TBC1D9: variants seen among roughly 807,000 people sequenced by gnomAD.
The protein encoded by TBC1D9 is TBC1 domain family member 9.
Under a neutral mutation model 132.0 loss-of-function variants are expected in TBC1D9, and 63 were observed. The observed-to-expected ratio is 0.48, with a 90% CI of 0.39 to 0.59. TBC1D9 has a LOEUF of 0.59. Among genes scored for constraint, TBC1D9 ranks in the 20% least tolerant of loss-of-function variants. The pLI, the probability that TBC1D9 is intolerant of heterozygous loss-of-function variation, is 0.00. For missense variants in TBC1D9, 1,261 were observed against 1,592.7 expected, an observed-to-expected ratio of 0.79 and a Z score of 3.54; for synonymous variants, 610 against 609.9, an observed-to-expected ratio of 1.00 and a Z score of 0.00.
intron 2 of TBC1D9, among the ~76,000 whole-genome samples, chr4:140,686,907 A>G (rs1288209188): frequency 6.6e-6 from 1 of 152,080 alleles, no homozygotes; most frequent in East Asian, 1.9e-4. Flanking sequence ...AACTGATGTA[A>G]CCACCTCCTA....
In TBC1D9 at chr4:140,657,495, G is replaced by A. The variant is rs746992169; in HGVS notation, c.2207+32C>T. On this transcript the variant is annotated intron_variant, in intron 12 of 20. Transcript: ENST00000442267. Reference sequence around the variant, plus strand: ...AGAAAGCATGAGGAAGAAAACCGGAGATGGTTTTCAAAGTTAGGCTTAGTA... The same window carrying A: ...AGAAAGCATGAGGAAGAAAACCGGAAATGGTTTTCAAAGTTAGGCTTAGTA... The A allele has an allele frequency of 7.6e-5, 120 of 1,576,902 alleles. No individual in the cohort carries two copies. In the Middle Eastern group the frequency reaches 1.0e-3, roughly 13 times the overall value.
intron 1 of TBC1D9, among the ~76,000 whole-genome samples, chr4:140,738,881 CT>C (rs1021001602): frequency 3.9e-5 from 6 of 152,194 alleles, no homozygotes; most frequent in South Asian, 4.1e-4. Context: ...ACACTTCCCC[CT>C]GGCATACAGT....
At chr4:140,655,368 AT>A (rs34702949) in intron 13 of TBC1D9, among the ~76,000 whole-genome samples, 11,472 of 152,046 alleles carry the variant, frequency 0.075, 1,450 homozygotes, top group African/African-American at 0.26. Context: ...ATCCATAGCA[AT>A]TTTTTTTAAA....
chr4:140,702,569 A>G (rs1041717150), intron 1 of TBC1D9, among the ~76,000 whole-genome samples: 4 of 152,298 alleles, frequency 2.6e-5, no homozygotes, highest in African/African-American at 7.2e-5. Flanking sequence ...TCTTTTTCCA[A>G]TGTTCCCAGA....
chr4:140,639,235 A>G, intron 14 of TBC1D9, 81 bp from the exon 15 acceptor site: 1 of 1,481,956 alleles, frequency 6.7e-7, no homozygotes, highest in South Asian at 1.2e-5. Flanking sequence ...TCCCTTTCAA[A>G]TTGTTTTCAG....
chr4:140,743,074 C>T (rs1203807093), intron 1 of TBC1D9, among the ~76,000 whole-genome samples: 1 of 151,972 alleles, frequency 6.6e-6, no homozygotes, highest in Non-Finnish European at 1.5e-5. Flanking sequence ...GAAGGAGTTA[C>T]GTAGAAACAA....
intron 1 of TBC1D9, among the ~76,000 whole-genome samples, chr4:140,737,267 G>A (rs972566605): frequency 2.6e-5 from 4 of 152,042 alleles, no homozygotes; most frequent in African/African-American, 2.4e-5. Flanking sequence ...CTAGTGAGGG[G>A]CCCCTGAGCG....
At chr4:140,659,485 C>G in intron 11 of TBC1D9, 103 bp downstream of exon 11, 3 of 737,146 alleles carry the variant, frequency 4.1e-6, no homozygotes, top group South Asian at 2.3e-5. Context: ...GTCTGAAACT[C>G]TTTTGGCTTA....
At chr4:140,717,199 C>A (rs1314734916) in intron 1 of TBC1D9, among the ~76,000 whole-genome samples, 1 of 152,148 alleles carries the variant, frequency 6.6e-6, no homozygotes, top group Non-Finnish European at 1.5e-5. Context: ...TTTAGAGAAT[C>A]AACATATGTT....
intron 16 of TBC1D9, among the ~76,000 whole-genome samples, chr4:140,632,631 T>C (rs1231794070): frequency 6.6e-6 from 1 of 152,170 alleles, no homozygotes; most frequent in Non-Finnish European, 1.5e-5. Flanking sequence ...TTACTTTAAC[T>C]TTTCTGAGCT....
At position 140,662,001 on chromosome 4, in the gene TBC1D9, G is replaced by A. The variant is rs747269530; in HGVS notation, c.1695C>T (p.His565=). ...AAGCTGGGTGTTCTGGAAGGGAGCG[G>A]TGTAAATCCCTCTCAATCTCCTCCG... is the stretch of plus-strand genomic sequence containing the variant. ...LATEEIERDL[H]RSLPEHPAFQ... The change falls in exon 10 of 21, where the codon CAC becomes CAT. Residue 565 remains histidine (H), a synonymous_variant. Coordinates refer to ENST00000442267, the MANE Select transcript of TBC1D9 (RefSeq NM_015130.3). The A allele has an allele frequency of 6.2e-7, 1 of 1,613,854 alleles. No individual in the cohort carries two copies. Among genetic ancestry groups the A allele is most frequent in the East Asian group, 2.2e-5 (1 of 44,876 alleles).
intron 1 of TBC1D9, among the ~76,000 whole-genome samples, chr4:140,748,859 GAAGA>G (rs781336921): frequency 1.3e-5 from 2 of 152,104 alleles, no homozygotes; most frequent in Non-Finnish European, 2.9e-5. Context: ...AGAGAGGGAA[GAAGA>G]AAGTAAAACA....
At chr4:140,628,728 T>C (rs1736746509) in intron 16 of TBC1D9, among the ~76,000 whole-genome samples, 1 of 152,208 alleles carries the variant, frequency 6.6e-6, no homozygotes, top group African/African-American at 2.4e-5. Context: ...CCTAATAAAA[T>C]AGCTTTATTA....
At chr4:140,721,308 C>T (rs1417846205) in intron 1 of TBC1D9, among the ~76,000 whole-genome samples, 1 of 152,178 alleles carries the variant, frequency 6.6e-6, no homozygotes, top group Non-Finnish European at 1.5e-5. Flanking sequence ...CAGTGGTGAC[C>T]TTACGCCAGG....
At chr4:140,697,840 C>T (rs1737994020) in intron 2 of TBC1D9, among the ~76,000 whole-genome samples, 1 of 152,232 alleles carries the variant, frequency 6.6e-6, no homozygotes, top group South Asian at 2.1e-4. Context: ...TCACAGGAGA[C>T]ACAAACCAGT....
intron 1 of TBC1D9, among the ~76,000 whole-genome samples, chr4:140,715,257 C>G (rs13103762): frequency 0.29 from 44,800 of 152,080 alleles, 7,766 homozygotes; most frequent in South Asian, 0.42. Context: ...GTCTGACCCC[C>G]CTTTCTCATC....
chr4:140,678,927 G>T lies in TBC1D9; in HGVS notation c.851+15C>A. 1 of 1,611,284 alleles carries T rather than the reference G, an allele frequency of 6.2e-7. No individual in the cohort carries two copies. Among genetic ancestry groups the T allele is most frequent in the Non-Finnish European group, 8.5e-7 (1 of 1,178,224 alleles). ...ATTTCTAAAGTCTGGAAGATACAAG[G>T]TCTCTATCACCCACCGTTTTAGAGC... On this transcript the variant is annotated intron_variant, in intron 5 of 20. Transcript: ENST00000442267.
At chr4:140,660,765 T>C (rs897712679) in intron 10 of TBC1D9, among the ~76,000 whole-genome samples, 3 of 152,148 alleles carry the variant, frequency 2.0e-5, no homozygotes, top group South Asian at 2.1e-4. Flanking sequence ...GTTATTTAAA[T>C]TGGAAGTTAT....
chr4:140,656,326 C>T (rs1236060470), intron 13 of TBC1D9, among the ~76,000 whole-genome samples: 5 of 152,032 alleles, frequency 3.3e-5, no homozygotes, highest in African/African-American at 7.3e-5. Flanking sequence ...GAAAAGGAGT[C>T]GGGCTGGCAA....
Sources: allele counts gnomAD v4.1 joint callset (sites outside exome capture counted in the v4.1 genomes callset), GRCh38; gene constraint gnomAD v4.1.1; transcripts MANE v1.5; gene names NCBI Gene and HGNC (gene_info 2026-07-23, HGNC 2026-07-21).